Variants in DGKB observed in about 807,000 individuals in gnomAD.
DGKB encodes diacylglycerol kinase beta.
DGKB carries 67 observed loss-of-function variants against 114.3 expected under a neutral mutation model. That is an observed-to-expected ratio of 0.59 (90% CI 0.48 to 0.72). DGKB has a LOEUF of 0.72. Among genes scored for constraint, DGKB ranks in the 30% least tolerant of loss-of-function variants. The pLI is 0.00. For missense variants in DGKB, 907 were observed against 975.2 expected (o/e 0.93, Z 0.93); for synonymous variants, 398 against 323.1 (o/e 1.23, Z -2.49).
At chr7:14,271,009 A>T (rs1236720871) in intron 23 of DGKB, among the ~76,000 whole-genome samples, 1 of 152,244 alleles carries the variant, frequency 6.6e-6, no homozygotes, top group East Asian at 1.9e-4. Flanking sequence ...TAACGTGTTA[A>T]CTGTTACAAT....
intron 12 of DGKB, among the ~76,000 whole-genome samples, chr7:14,674,205 C>G (rs1279549024): frequency 6.6e-6 from 1 of 152,112 alleles, no homozygotes; most frequent in Non-Finnish European, 1.5e-5. Flanking sequence ...ATAAACGTAT[C>G]TTTCCATGTT....
chr7:14,337,104 A>C (rs990684564), intron 23 of DGKB, among the ~76,000 whole-genome samples: 8 of 152,152 alleles, frequency 5.3e-5, no homozygotes, highest in Admixed American at 5.2e-4. Flanking sequence ...TATGGTCCTT[A>C]AGCTAATTGC....
intron 5 of DGKB, among the ~76,000 whole-genome samples, chr7:14,730,480 G>T (rs149496587): frequency 1.3e-5 from 2 of 152,264 alleles, no homozygotes; most frequent in African/African-American, 4.8e-5. Context: ...GGAAGCATTG[G>T]GTTTTCATGC....
intron 2 of DGKB, among the ~76,000 whole-genome samples, chr7:14,777,705 G>T (rs575496819): frequency 6.6e-6 from 1 of 152,080 alleles, no homozygotes; most frequent in Non-Finnish European, 1.5e-5. Flanking sequence ...CACAGTCTCA[G>T]GTATGTCTTT....
intron 4 of DGKB, among the ~76,000 whole-genome samples, chr7:14,739,967 T>G (rs1033125219): frequency 6.6e-6 from 1 of 152,208 alleles, no homozygotes; most frequent in African/African-American, 2.4e-5. Flanking sequence ...CACATGGCCG[T>G]GTGTCTGCGT....
At chr7:14,335,350 A>G (rs963808283) in intron 23 of DGKB, among the ~76,000 whole-genome samples, 1 of 152,200 alleles carries the variant, frequency 6.6e-6, no homozygotes, top group Admixed American at 6.5e-5. Flanking sequence ...TAAAATAATT[A>G]CCTTTATTAC....
chr7:14,790,304 C>G (rs1380173107), intron 2 of DGKB, among the ~76,000 whole-genome samples: 1 of 152,086 alleles, frequency 6.6e-6, no homozygotes, highest in South Asian at 2.1e-4. Context: ...TTGATGAAGT[C>G]CAATTTATTT....
At chr7:14,721,770 T>G (rs1425645460) in intron 5 of DGKB, among the ~76,000 whole-genome samples, 1 of 152,064 alleles carries the variant, frequency 6.6e-6, no homozygotes, top group Non-Finnish European at 1.5e-5. Flanking sequence ...ATTTATAGAG[T>G]GCACTGAAGA....
At chr7:14,458,908 A>T (rs1485673077) in intron 21 of DGKB, among the ~76,000 whole-genome samples, 2 of 152,218 alleles carry the variant, frequency 1.3e-5, no homozygotes, top group East Asian at 3.9e-4. Context: ...GGTTTAGCTC[A>T]GGGGATCCCA....
intron 13 of DGKB, among the ~76,000 whole-genome samples, chr7:14,641,357 T>G (rs1811762835): frequency 6.6e-6 from 1 of 151,906 alleles, no homozygotes. Context: ...CATTTTACAA[T>G]ACAAAGATTT....
chr7:14,864,017 T>G (rs1395040730), intron 1 of DGKB, among the ~76,000 whole-genome samples: 1 of 151,166 alleles, frequency 6.6e-6, no homozygotes, highest in Non-Finnish European at 1.5e-5. Flanking sequence ...GAGAATCACT[T>G]GAACCCAGGA....
At chr7:14,794,456 A>C (rs1841119984) in intron 2 of DGKB, among the ~76,000 whole-genome samples, 1 of 152,178 alleles carries the variant, frequency 6.6e-6, no homozygotes, top group African/African-American at 2.4e-5. Flanking sequence ...TCAGAAAACT[A>C]ACTAATAAAA....
chr7:14,357,135 A>C (rs1315426189), intron 21 of DGKB, among the ~76,000 whole-genome samples: 2 of 152,188 alleles, frequency 1.3e-5, no homozygotes, highest in South Asian at 2.1e-4. Context: ...AACTGAGTTC[A>C]TGTCCTGGAT....
intron 1 of DGKB, among the ~76,000 whole-genome samples, chr7:14,900,906 G>T (rs1418514302): frequency 6.6e-6 from 1 of 152,120 alleles, no homozygotes; most frequent in Non-Finnish European, 1.5e-5. Flanking sequence ...TGACTCTAGA[G>T]TATTAGGGAA....
chr7:14,479,709 T>C (rs1782708362), intron 20 of DGKB, among the ~76,000 whole-genome samples: 3 of 152,128 alleles, frequency 2.0e-5, no homozygotes, highest in Non-Finnish European at 1.5e-5. Context: ...TTATACTTTA[T>C]AATATGAAGT....
intron 2 of DGKB, among the ~76,000 whole-genome samples, chr7:14,805,710 A>C (rs1240723522): frequency 6.6e-6 from 1 of 151,848 alleles, no homozygotes; most frequent in Non-Finnish European, 1.5e-5. Flanking sequence ...TCAACATAGT[A>C]AATGTTTATA....
chr7:14,204,515 T>C (rs933538154), intron 23 of DGKB, among the ~76,000 whole-genome samples: 11 of 152,032 alleles, frequency 7.2e-5, no homozygotes, highest in Admixed American at 4.6e-4. Context: ...CCTCTCTACT[T>C]ACATTTTAAA....
At chr7:14,510,306 C>G (rs574566969) in intron 20 of DGKB, among the ~76,000 whole-genome samples, 2 of 152,304 alleles carry the variant, frequency 1.3e-5, no homozygotes, top group South Asian at 4.1e-4. Flanking sequence ...AATCTTGCTG[C>G]TGCTTTACCA....
At chr7:14,752,490 T>C (rs1834278240) in intron 4 of DGKB, among the ~76,000 whole-genome samples, 1 of 152,138 alleles carries the variant, frequency 6.6e-6, no homozygotes, top group Non-Finnish European at 1.5e-5. Context: ...AGGAAACATG[T>C]ACGGAGGAAA....
Sources: gnomAD v4.1 joint callset for allele counts (sites outside exome capture counted in the v4.1 genomes callset) on GRCh38, gnomAD v4.1.1 for gene constraint, MANE v1.5 for transcripts, NCBI Gene and HGNC (gene_info 2026-07-23, HGNC 2026-07-21) for gene names.